ASB15: variants seen among roughly 807,000 people sequenced by gnomAD.
ASB15 encodes ankyrin repeat and SOCS box containing 15.
ASB15 carries 54 observed loss-of-function variants against 58.0 expected under a neutral mutation model. The ratio of observed to expected loss-of-function variants is 0.93; its 90% CI spans 0.75 to 1.17. The LOEUF (loss-of-function observed/expected upper bound fraction) is 1.17, where lower values mean the gene tolerates loss of function less well. Ranked by LOEUF, ASB15 falls within the 50% of genes most tolerant of loss-of-function variation. ASB15 has a pLI of 0.00. For synonymous variants in ASB15, 249 were observed against 262.4 expected (o/e 0.95, Z 0.50); for missense variants, 680 against 707.4 (o/e 0.96, Z 0.44).
At chr7:123,593,581 T>C (rs1799608587) in intron 1 of ASB15, among the ~76,000 whole-genome samples, 1 of 152,294 alleles carries the variant, frequency 6.6e-6, no homozygotes, top group South Asian at 2.1e-4. Flanking sequence ...TTTTTTTTTC[T>C]TTAAGAATGT....
intron 1 of ASB15, among the ~76,000 whole-genome samples, chr7:123,567,256 G>A (rs563302246): frequency 1.5e-4 from 23 of 152,282 alleles, no homozygotes; most frequent in African/African-American, 5.3e-4. Context: ...AATGTGAGTA[G>A]CAAGGGGATC....
In ASB15 at chr7:123,638,784, G is replaced by A. The variant is rs1188877211; in HGVS notation, c.*1803G>A. ...CACTTACCCTATAGGTCTCAGCTGA[G>A]ATGTTGCTTCCTCTAGGATGGGAAG... On this transcript the variant is annotated 3_prime_UTR_variant, in exon 12 of 12. Coordinates refer to ENST00000451215, the MANE Select transcript of ASB15 (RefSeq NM_001290258.2). 1 of 152,136 alleles carries A rather than the reference G, an allele frequency of 6.6e-6. No individual in the cohort carries two copies. The highest frequency in any genetic ancestry group is 6.5e-5 in the Admixed American group (1 of 15,272). The allele number at this position is 152,136 out of a possible 1,614,324, so 9.4% of individuals were successfully genotyped here.
intron 1 of ASB15, among the ~76,000 whole-genome samples, chr7:123,588,348 G>T (rs1799432934): frequency 6.6e-6 from 1 of 151,340 alleles, no homozygotes; most frequent in South Asian, 2.1e-4. Context: ...ATAATCTTTT[G>T]TATTTCTGTA....
At chr7:123,600,994 G>T (rs1799856812), upstream of ASB15, among the ~76,000 whole-genome samples, 1 of 152,124 alleles carries the variant, frequency 6.6e-6, no homozygotes, top group African/African-American at 2.4e-5. Context: ...TATAAAATAT[G>T]AAATGAGTTT....
At chr7:123,623,132 C>T (rs1584799574) in intron 7 of ASB15, 2 of 152,268 alleles carry the variant, frequency 1.3e-5, no homozygotes, top group Admixed American at 6.5e-5. Context: ...ATAAACTCTA[C>T]GAGTGAGATC....
intron 11 of ASB15, among the ~76,000 whole-genome samples, chr7:123,635,573 AAATT>A (rs1465328168): frequency 1.4e-5 from 2 of 146,220 alleles, no homozygotes; most frequent in African/African-American, 5.0e-5. Context: ...TTTTAAATGG[AAATT>A]AATTGCTTTT....
At chr7:123,620,521 TATATATATATATATATATATATATATA>T (rs1801184557) in intron 7 of ASB15, among the ~76,000 whole-genome samples, 1 of 12,110 alleles carries the variant, frequency 8.3e-5, no homozygotes, top group Non-Finnish European at 1.9e-4. Context: ...TATATATATA[TATATATATATATATATATATATATATA>T]TATATATTTT....
intron 1 of ASB15, among the ~76,000 whole-genome samples, chr7:123,574,806 T>C (rs1478407132): frequency 6.6e-6 from 1 of 152,150 alleles, no homozygotes; most frequent in Non-Finnish European, 1.5e-5. Flanking sequence ...ACAGGCAGCT[T>C]ACACATCTTT....
chr7:123,583,725 T>C (rs1261066499), intron 1 of ASB15, among the ~76,000 whole-genome samples: 2 of 151,930 alleles, frequency 1.3e-5, no homozygotes, highest in African/African-American at 4.8e-5. Flanking sequence ...TTCTGATCCT[T>C]AAGCATAAGA....
In ASB15 at chr7:123,629,156, G is replaced by C; in HGVS notation, c.1162G>C (p.Val388Leu). 1 of 1,614,108 alleles carries C rather than the reference G, an allele frequency of 6.2e-7. No homozygotes were observed. The highest frequency in any genetic ancestry group is 8.5e-7 in the Non-Finnish European group (1 of 1,179,982). ...LDPLNCLLVA[V>L]RANNYEIVRL... Reference sequence around the variant, plus strand: ...TCCCCTCAACTGTCTACTTGTTGCAGTGAGGGCCAATAATTATGAAATTGT... The same window carrying C: ...TCCCCTCAACTGTCTACTTGTTGCACTGAGGGCCAATAATTATGAAATTGT... The change falls in exon 10 of 12, where the codon GTG (valine) becomes CTG (leucine). Residue 388 changes from valine (V) to leucine (L), a missense_variant. By Grantham distance (32) the Val-to-Leu change is conservative. Transcript: ENST00000451215.
At chr7:123,605,531 GAT>G (rs1158009136) in intron 2 of ASB15, among the ~76,000 whole-genome samples, 1 of 152,172 alleles carries the variant, frequency 6.6e-6, no homozygotes, top group Non-Finnish European at 1.5e-5. Flanking sequence ...GTACCATAAA[GAT>G]ACATGCACAC....
upstream of ASB15, among the ~76,000 whole-genome samples, chr7:123,600,853 T>A (rs1799851825): frequency 6.6e-6 from 1 of 152,060 alleles, no homozygotes. Context: ...AAAGAAAATG[T>A]CAGAGATGAG....
At chr7:123,624,146 A>C (rs565168978) in intron 7 of ASB15, among the ~76,000 whole-genome samples, 27 of 152,158 alleles carry the variant, frequency 1.8e-4, no homozygotes, top group Non-Finnish European at 3.7e-4. Flanking sequence ...GGAGTGATAT[A>C]ATAATAATAG....
intron 7 of ASB15, among the ~76,000 whole-genome samples, chr7:123,623,989 AAGAAAG>A (rs1201587217): frequency 2.9e-5 from 4 of 137,698 alleles, no homozygotes; most frequent in Admixed American, 7.2e-5. Flanking sequence ...GAAAGAAAGA[AAGAAAG>A]AGAAAGGAAA....
chr7:123,616,409 T>C lies in ASB15; in HGVS notation c.206T>C (p.Met69Thr). The C allele has an allele frequency of 6.2e-7, 1 of 1,606,714 alleles. No individual in the cohort carries two copies. The highest frequency in any genetic ancestry group is 8.5e-7 in the Non-Finnish European group (1 of 1,173,754). Residue 69 changes from methionine (M) to threonine (T), a missense_variant, in exon 6 of 12, where the codon ATG becomes ACG. By Grantham distance (81) the Met-to-Thr change is moderately conservative (BLOSUM62 -1). Coordinates refer to ENST00000451215, the MANE Select transcript of ASB15 (RefSeq NM_001290258.2). ...LQEYVKYKYA[M>T]DEADEKGWFP... Reference sequence around the variant, plus strand: ...GAGTATGTAAAATATAAATATGCAATGGATGAAGCTGATGAAAAAGGATGG... The same window carrying C: ...GAGTATGTAAAATATAAATATGCAACGGATGAAGCTGATGAAAAAGGATGG...
chr7:123,616,493 A>T lies in ASB15; in HGVS notation c.290A>T (p.Asp97Val). 6.2e-7 allele frequency: 1 copy of T among 1,611,890 alleles called. No individual in the cohort carries two copies. The highest frequency in any genetic ancestry group is 8.5e-7 in the Non-Finnish European group (1 of 1,178,878). Reference protein sequence around the residue: ...PIQQILEIVLDASYKTLWEFK... With the variant: ...PIQQILEIVLVASYKTLWEFK... The stretch of plus-strand genomic sequence containing the variant: ...CAACAAATACTTGAGATTGTTCTGG[A>T]TGGTAAGAGAACATAAAACATGTTT... Residue 97 changes from aspartate to valine, a missense_variant and splice_region_variant, in exon 6 of 12, where the codon GAT (aspartate) becomes GTT (valine). Coordinates refer to ENST00000451215, the MANE Select transcript of ASB15 (RefSeq NM_001290258.2).
At position 123,604,065 on chromosome 7, in the gene ASB15, A is replaced by T. The variant is rs1800016877; in HGVS notation, c.-211A>T. The stretch of plus-strand genomic sequence containing the variant: ...TCAAGACAGTGCAGGAGGTGAGGCC[A>T]TCTTATAGGAAGAGCAGTTGTCCAG... On this transcript the variant is annotated 5_prime_UTR_variant, in exon 2 of 12. Coordinates refer to ENST00000451215, the MANE Select transcript of ASB15 (RefSeq NM_001290258.2). 1 of 152,248 alleles carries T rather than the reference A, an allele frequency of 6.6e-6. No individual in the cohort carries two copies. The highest frequency in any genetic ancestry group is 1.5e-5 in the Non-Finnish European group (1 of 68,078). 9.4% of individuals were successfully genotyped at this position (152,248 alleles called of 1,614,324 possible). A position where few individuals can be genotyped will look rare whatever the true frequency, so the allele number is the denominator to read the frequency against.
intron 2 of ASB15, among the ~76,000 whole-genome samples, chr7:123,605,498 C>T (rs1800102458): frequency 6.6e-6 from 1 of 152,148 alleles, no homozygotes; most frequent in Admixed American, 6.6e-5. Context: ...TTTGGATATA[C>T]ACCCAAAGGA....
chr7:123,633,063 A>G (rs1226920126), intron 11 of ASB15, among the ~76,000 whole-genome samples: 1 of 152,210 alleles, frequency 6.6e-6, no homozygotes, highest in Non-Finnish European at 1.5e-5. Context: ...GCAAGAACTC[A>G]GGAAATATTG....
Sources: gnomAD v4.1 joint callset for allele counts (sites outside exome capture counted in the v4.1 genomes callset) on GRCh38, gnomAD v4.1.1 for gene constraint, MANE v1.5 for transcripts, NCBI Gene and HGNC (gene_info 2026-07-23, HGNC 2026-07-21) for gene names.